The following SPTLC1 variants were observed in gnomAD, a reference collection of about 807,000 sequenced individuals.
SPTLC1 encodes the protein serine palmitoyltransferase long chain base subunit 1.
SPTLC1 carries 55 observed loss-of-function variants against 68.9 expected under a neutral mutation model. That is an observed-to-expected ratio of 0.80 (90% CI 0.64 to 1.00). SPTLC1 has a LOEUF of 1.00. Ranked by LOEUF, SPTLC1 falls within the 50% of genes least tolerant of loss-of-function variation. The probability of loss-of-function intolerance (pLI) is 0.00; values close to 1 mark genes in which losing one functional copy is unlikely to be tolerated. For synonymous variants in SPTLC1, 197 were observed against 201.6 expected (o/e 0.98, Z 0.19); for missense variants, 449 against 573.1 (o/e 0.78, Z 2.21).
At chr9:92,113,105 C>T (rs532303446) in intron 1 of SPTLC1, among the ~76,000 whole-genome samples, 1 of 144,914 alleles carries the variant, frequency 6.9e-6, no homozygotes, top group East Asian at 2.0e-4. Context: ...AAAACTCCGT[C>T]TCAAATAAAT....
At chr9:92,047,871 G>A (rs990169488) in intron 9 of SPTLC1, among the ~76,000 whole-genome samples, 163 bp from the exon 10 acceptor site, 5 of 152,090 alleles carry the variant, frequency 3.3e-5, no homozygotes, top group African/African-American at 7.2e-5. Context: ...AACATCTATC[G>A]CTGAATGAAC....
intron 13 of SPTLC1, 137 bp downstream of exon 13, chr9:92,038,111 G>A (rs1052398359): frequency 2.5e-5 from 19 of 756,246 alleles, no homozygotes; most frequent in African/African-American, 6.8e-5. Context: ...TGTCAAGAGC[G>A]GGTCACCAGC....
intron 8 of SPTLC1, among the ~76,000 whole-genome samples, chr9:92,052,478 G>C: frequency 6.6e-6 from 1 of 151,998 alleles, no homozygotes; most frequent in South Asian, 2.1e-4. Flanking sequence ...AACTCTTAGG[G>C]GGAAACATAG....
At chr9:92,115,026 A>T in intron 1 of SPTLC1, 1 of 529,356 alleles carries the variant, frequency 1.9e-6, no homozygotes, top group Non-Finnish European at 3.4e-6. Context: ...GTTTTTGCAG[A>T]CCTGTCTCCT....
chr9:92,046,325 C>A, intron 11 of SPTLC1: 2 of 427,488 alleles, frequency 4.7e-6, no homozygotes, highest in South Asian at 4.3e-5. Context: ...TCATCAAGAT[C>A]CTAATCTGGC....
chr9:92,087,150 T>A (rs1363678697), intron 3 of SPTLC1, among the ~76,000 whole-genome samples: 3 of 152,270 alleles, frequency 2.0e-5, no homozygotes, highest in East Asian at 3.9e-4. Flanking sequence ...TCGTCTAAAT[T>A]TTTTTCAAAG....
chr9:92,111,971 AATTTATGAAAATTTAACTTC>A (rs1836266897), intron 2 of SPTLC1: 1 of 157,822 alleles, frequency 6.3e-6, no homozygotes, highest in Non-Finnish European at 1.4e-5. Flanking sequence ...GTGACTTGAC[AATTTATGAAAATTTAACTTC>A]TATGCTCAGA....
intron 3 of SPTLC1, among the ~76,000 whole-genome samples, chr9:92,092,199 T>C (rs1835385710): frequency 6.6e-6 from 1 of 152,208 alleles, no homozygotes; most frequent in Non-Finnish European, 1.5e-5. Context: ...ATATAAATTT[T>C]TGTGATAAAG....
chr9:92,087,528 G>A (rs963448712), intron 3 of SPTLC1, among the ~76,000 whole-genome samples: 1 of 152,198 alleles, frequency 6.6e-6, no homozygotes, highest in East Asian at 1.9e-4. Flanking sequence ...TATTTGCCTG[G>A]CTATCAGCAG....
chr9:92,102,164 A>G (rs1337980148), intron 3 of SPTLC1, among the ~76,000 whole-genome samples: 1 of 152,254 alleles, frequency 6.6e-6, no homozygotes, highest in Non-Finnish European at 1.5e-5. Context: ...CAGTCAGCAA[A>G]GAGTACTGTA....
intron 12 of SPTLC1, among the ~76,000 whole-genome samples, chr9:92,040,399 A>G (rs921957543): frequency 6.6e-6 from 1 of 151,994 alleles, no homozygotes; most frequent in African/African-American, 2.4e-5. Context: ...AAAGCAAAAA[A>G]CAAAAAAAAC....
chr9:92,054,709 T>C (rs1833821705), intron 8 of SPTLC1, among the ~76,000 whole-genome samples: 1 of 152,136 alleles, frequency 6.6e-6, no homozygotes, highest in African/African-American at 2.4e-5. Flanking sequence ...GGTCAAGAGA[T>C]TGAGACCATC....
chr9:92,104,545 T>A, intron 3 of SPTLC1: 1 of 1,443,654 alleles, frequency 6.9e-7, no homozygotes, highest in Non-Finnish European at 9.4e-7. Flanking sequence ...CCAGGATGTT[T>A]GGACACCTCA....
chr9:92,097,895 T>G (rs987714751), intron 3 of SPTLC1, among the ~76,000 whole-genome samples: 1 of 152,320 alleles, frequency 6.6e-6, no homozygotes, highest in Admixed American at 6.5e-5. Flanking sequence ...TTATGGTAAA[T>G]AGATTATATA....
At chr9:92,049,924 TA>T in intron 9 of SPTLC1, 35 bp downstream of exon 9, 15 of 1,309,718 alleles carry the variant, frequency 1.1e-5, no homozygotes, top group Non-Finnish European at 1.6e-5. Context: ...ATGTCTCCTA[TA>T]AGAGGGGAAA....
rs374582645 is a variant in SPTLC1 at position 92,032,604 on chromosome 9, G to A, written c.1329-46C>T. The A allele has an allele frequency of 1.6e-4, 261 of 1,612,128 alleles. 1 individual carries two copies. In the African/African-American group the frequency reaches 2.3e-3, roughly 14 times the overall value. On this transcript the variant is annotated intron_variant, in intron 14 of 14. Coordinates refer to ENST00000262554, the MANE Select transcript of SPTLC1 (RefSeq NM_006415.4). The stretch of plus-strand genomic sequence containing the variant: ...AAAGAATTATCTTTGTGGGCCAGGC[G>A]CAGTGGCTCACGCCTGTAATCCCAG...
intron 9 of SPTLC1, among the ~76,000 whole-genome samples, chr9:92,049,583 T>C (rs1451658163): frequency 1.3e-5 from 2 of 152,178 alleles, no homozygotes; most frequent in Non-Finnish European, 2.9e-5. Context: ...CCAGAAACAG[T>C]ATCCTTTCTC....
intron 2 of SPTLC1, chr9:92,110,053 C>T (rs1463206258): frequency 6.6e-6 from 1 of 152,166 alleles, no homozygotes; most frequent in African/African-American, 2.4e-5. Flanking sequence ...TTGTAGATGT[C>T]GTATGACTAT....
intron 13 of SPTLC1, 54 bp from the exon 14 acceptor site, chr9:92,034,937 T>C (rs1833095583): frequency 1.4e-6 from 2 of 1,431,330 alleles, no homozygotes; most frequent in South Asian, 2.3e-5. Flanking sequence ...ATGGTGGTAA[T>C]TAAACTGGGG....
Sources: allele counts gnomAD v4.1 joint callset (sites outside exome capture counted in the v4.1 genomes callset), GRCh38; gene constraint gnomAD v4.1.1; transcripts MANE v1.5; gene names NCBI Gene and HGNC (gene_info 2026-07-23, HGNC 2026-07-21).